The following LRIG3 variants were observed in gnomAD, a reference collection of about 807,000 sequenced individuals.
LRIG3 encodes leucine rich repeats and immunoglobulin like domains 3.
LRIG3 carries 76 observed loss-of-function variants against 114.5 expected under a neutral mutation model. That is an observed-to-expected ratio of 0.66 (90% CI 0.55 to 0.80). LRIG3 has a LOEUF of 0.80. Among genes scored for constraint, LRIG3 ranks in the 30% least tolerant of loss-of-function variants. The pLI, the probability that LRIG3 is intolerant of heterozygous loss-of-function variation, is 0.00. For missense variants in LRIG3, 1,239 were observed against 1,382.8 expected, an observed-to-expected ratio of 0.90 and a Z score of 1.65; for synonymous variants, 512 against 519.8, an observed-to-expected ratio of 0.98 and a Z score of 0.20.
In LRIG3 at chr12:58,874,156, T is replaced by C. The variant is rs199877051; in HGVS notation, c.3014A>G (p.Asn1005Ser). 62 of 1,614,122 alleles carry C rather than the reference T, an allele frequency of 3.8e-5. 1 individual carries two copies. Among genetic ancestry groups the C allele is most frequent in the Admixed American group, 3.7e-4 (22 of 60,000 alleles). ...CAGATTTTTCATTCCAGGTCCTTCA[T>C]TGTGAGAGTAACTAGTGTTAAGTAG... ...RKLLNTSYSH[N>S]EGPGMKNLCL... is the part of the protein sequence containing the mutation. The change falls in exon 18 of 19, where the codon AAT becomes AGT. Residue 1005 changes from asparagine (N) to serine (S), a missense_variant. By Grantham distance (46) the Asn-to-Ser change is conservative. Coordinates refer to ENST00000320743, the MANE Select transcript of LRIG3 (RefSeq NM_153377.5).
At chr12:58,883,110 TAAC>T (rs1871171725) in intron 11 of LRIG3, 78 bp from the exon 12 acceptor site, 7 of 1,401,390 alleles carry the variant, frequency 5.0e-6, no homozygotes. Context: ...AAGTAAATAT[TAAC>T]AAAGCAATGA....
intron 3 of LRIG3, among the ~76,000 whole-genome samples, chr12:58,892,003 T>C (rs1871470760): frequency 6.6e-6 from 1 of 151,872 alleles, no homozygotes; most frequent in African/African-American, 2.4e-5. Flanking sequence ...AAAGTTCTAC[T>C]GGTGACTGTT....
intron 12 of LRIG3, 29 bp from the exon 13 acceptor site, chr12:58,880,930 A>G (rs1871108882): frequency 6.3e-7 from 1 of 1,594,152 alleles, no homozygotes; most frequent in Non-Finnish European, 8.6e-7. Context: ...AGGAGACAAA[A>G]CAATGTTAAG....
At chr12:58,883,487 T>C (rs765204694) in intron 11 of LRIG3, 33 bp downstream of exon 11, 10 of 1,480,734 alleles carry the variant, frequency 6.8e-6, no homozygotes, top group Non-Finnish European at 8.3e-6. Flanking sequence ...CCCTCTATAC[T>C]TTCAGACTCC....
chr12:58,875,789 C>T (rs897959193), intron 16 of LRIG3, among the ~76,000 whole-genome samples: 11 of 152,244 alleles, frequency 7.2e-5, no homozygotes, highest in African/African-American at 2.4e-4. Context: ...CCTGTAATCC[C>T]AGCACTTTGG....
Position 58,920,264 on chromosome 12 carries a change from G to C in LRIG3, c.-29C>G. On this transcript the variant is annotated 5_prime_UTR_variant, in exon 1 of 19. Transcript: ENST00000320743. The stretch of plus-strand genomic sequence containing the variant: ...GGTCCAGCGGCCTAGGTCTCTACCC[G>C]AAGCTCCCAGCCGGCGCGCGCTCGG... 3.0e-6 allele frequency: 4 copies of C among 1,314,642 alleles called. No homozygotes were observed. Among genetic ancestry groups the C allele is most frequent in the Non-Finnish European group, 3.9e-6 (4 of 1,036,190 alleles). The allele number at this position is 1,314,642 out of a possible 1,614,324, so 81.4% of individuals were successfully genotyped here.
At chr12:58,900,023 C>G (rs996017422) in intron 3 of LRIG3, among the ~76,000 whole-genome samples, 5 of 152,124 alleles carry the variant, frequency 3.3e-5, no homozygotes, top group African/African-American at 1.2e-4. Flanking sequence ...TGTTGCCCCC[C>G]CTCAATCATT....
Position 58,913,020 on chromosome 12 carries a change from G to C in LRIG3, c.383+962C>G, listed in dbSNP as rs147508797. On this transcript the variant is annotated intron_variant, in intron 3 of 18. Transcript: ENST00000320743. ...GAAAGCAGACACAGCGGCTGCACCC[G>C]TGACTTAGCTGACCTGGGCCCTCAG... Among the ~76,000 whole-genome samples, 74 of 152,206 alleles carry C rather than the reference G, an allele frequency of 4.9e-4. 1 individual carries two copies. The highest frequency in any genetic ancestry group is 3.4e-3 in the Middle Eastern group (1 of 294).
intron 12 of LRIG3, among the ~76,000 whole-genome samples, chr12:58,881,915 G>A (rs1379157085): frequency 6.6e-6 from 1 of 152,176 alleles, no homozygotes; most frequent in Admixed American, 6.5e-5. Context: ...CGTAATAGGG[G>A]GATCAGATCT....
intron 10 of LRIG3, among the ~76,000 whole-genome samples, chr12:58,885,011 T>C (rs1300370670): frequency 6.6e-6 from 1 of 152,176 alleles, no homozygotes; most frequent in Non-Finnish European, 1.5e-5. Flanking sequence ...TTTCCTCTCT[T>C]AGTGGCTGAA....
At chr12:58,888,985 T>C (rs1871366574) in intron 5 of LRIG3, 23 bp from the exon 6 acceptor site, 2 of 1,605,286 alleles carry the variant, frequency 1.2e-6, no homozygotes, top group Non-Finnish European at 1.7e-6. Context: ...TTACAAGAGT[T>C]AGCTTATATG....
chr12:58,877,306 G>A, intron 15 of LRIG3, 94 bp downstream of exon 15: 3 of 1,254,026 alleles, frequency 2.4e-6, no homozygotes, highest in African/African-American at 2.9e-5. Context: ...CTTCTGAGAT[G>A]AACTCAGACT....
At chr12:58,902,830 C>T (rs2120953081) in intron 3 of LRIG3, among the ~76,000 whole-genome samples, 1 of 150,130 alleles carries the variant, frequency 6.7e-6, no homozygotes, top group South Asian at 2.1e-4. Context: ...TTTGGTTTTT[C>T]ATCCTTGTGA....
At chr12:58,877,041 C>T (rs1438580534) in intron 15 of LRIG3, among the ~76,000 whole-genome samples, 1 of 152,200 alleles carries the variant, frequency 6.6e-6, no homozygotes. Flanking sequence ...AGTACATGCA[C>T]ATACGCACAG....
chr12:58,893,509 G>T (rs991819752), intron 3 of LRIG3, among the ~76,000 whole-genome samples: 4 of 152,180 alleles, frequency 2.6e-5, no homozygotes, highest in Non-Finnish European at 5.9e-5. Context: ...AGTCAGCCAT[G>T]ACCTCTGATT....
intron 3 of LRIG3, among the ~76,000 whole-genome samples, chr12:58,904,143 A>C (rs1871974679): frequency 6.6e-6 from 1 of 152,146 alleles, no homozygotes; most frequent in South Asian, 2.1e-4. Flanking sequence ...GTACTTAAGC[A>C]ACTTTCAGCC....
intron 4 of LRIG3, 35 bp downstream of exon 4, chr12:58,890,630 A>C: frequency 6.5e-7 from 1 of 1,537,442 alleles, no homozygotes; most frequent in Non-Finnish European, 8.8e-7. Context: ...TTTTCATTAC[A>C]GGTGAAAGTT....
At chr12:58,900,018 C>T (rs1053643375) in intron 3 of LRIG3, among the ~76,000 whole-genome samples, 4 of 152,020 alleles carry the variant, frequency 2.6e-5, no homozygotes, top group African/African-American at 9.7e-5. Context: ...GAAGATGTTG[C>T]CCCCCCTCAA....
intron 3 of LRIG3, among the ~76,000 whole-genome samples, chr12:58,911,031 T>C (rs1054056768): frequency 3.3e-5 from 5 of 152,248 alleles, no homozygotes; most frequent in African/African-American, 9.6e-5. Flanking sequence ...AGCTAGGATA[T>C]TGTGAGAGAA....
Sources: allele counts gnomAD v4.1 joint callset (sites outside exome capture counted in the v4.1 genomes callset), GRCh38; gene constraint gnomAD v4.1.1; transcripts MANE v1.5; gene names NCBI Gene and HGNC (gene_info 2026-07-23, HGNC 2026-07-21).